OSBPL3: variants seen among roughly 807,000 people sequenced by gnomAD.
OSBPL3 encodes oxysterol binding protein like 3, also known as oxysterol-binding protein-related protein 3.
A neutral mutation model predicts 120.1 loss-of-function variants in OSBPL3; 65 were observed. The observed-to-expected ratio is 0.54, with a 90% CI of 0.44 to 0.67. The LOEUF is 0.67. OSBPL3 is among the 30% of genes least tolerant of loss of function. The pLI, the probability that OSBPL3 is intolerant of heterozygous loss-of-function variation, is 0.00. For missense variants in OSBPL3, 1,004 were observed against 1,082.1 expected, an observed-to-expected ratio of 0.93 and a Z score of 1.01; for synonymous variants, 416 against 402.6, an observed-to-expected ratio of 1.03 and a Z score of -0.40.
rs1798823640 is a variant in OSBPL3, at chr7:24,849,184, A to G, written c.1159-8T>C. 3 of 1,602,782 alleles carry G rather than the reference A, an allele frequency of 1.9e-6. No individual in the cohort carries two copies. The highest frequency in any genetic ancestry group is 2.6e-6 in the Non-Finnish European group (3 of 1,170,248). On this transcript the variant is annotated splice_polypyrimidine_tract_variant and splice_region_variant and intron_variant, in intron 11 of 22. Coordinates refer to ENST00000313367, the MANE Select transcript of OSBPL3 (RefSeq NM_015550.4). This position sits in a 1 kb window ranked among gnomAD's most constrained non-coding sequence, Gnocchi z 5.4. ...TGTGTTTTGTGCTAGGGCCTGGAAC[A>G]TGTTAAAATAGTGGGGCTCTGTTAA... is the stretch of plus-strand genomic sequence containing the variant.
upstream of OSBPL3, among the ~76,000 whole-genome samples, chr7:24,980,401 T>C (rs1413725930): frequency 6.6e-6 from 1 of 151,912 alleles, no homozygotes; most frequent in East Asian, 2.0e-4. Context: ...GGACCCCGGA[T>C]TCCGGATGGG....
intron 1 of OSBPL3, among the ~76,000 whole-genome samples, chr7:24,934,503 C>G (rs537883420): frequency 6.6e-6 from 1 of 152,292 alleles, no homozygotes; most frequent in Non-Finnish European, 1.5e-5. Context: ...ACATATCTAT[C>G]TTTTGGCCCC....
rs2128253201 is a variant in OSBPL3 at position 24,863,220 on chromosome 7, C to A, written c.850G>T (p.Asp284Tyr). The A allele has an allele frequency of 6.2e-7, 1 of 1,614,030 alleles. No homozygotes were observed. Among genetic ancestry groups the A allele is most frequent in the East Asian group, 2.2e-5 (1 of 44,882 alleles). The stretch of plus-strand genomic sequence containing the variant: ...GTTACCTGCAGTGTTCCTTTAGCAT[C>A]TTTGCCAATAGCTCTGGACCGCCAC... ...RRWRSRAIGK[D>Y]AKGTLQVPKP... The change falls in exon 9 of 23, where the codon GAT becomes TAT. Residue 284 changes from aspartate to tyrosine, a missense_variant. Physicochemically the swap from Asp to Tyr is radical, Grantham distance 160. Coordinates refer to ENST00000313367, the MANE Select transcript of OSBPL3 (RefSeq NM_015550.4). This position sits in a 1 kb window ranked among gnomAD's most constrained non-coding sequence, Gnocchi z 5.8.
rs138583909 is a variant in OSBPL3 at position 24,942,731 on chromosome 7, C to T, written c.-150+37155G>A. Among the ~76,000 whole-genome samples the T allele has an allele frequency of 1.7e-4, 26 of 152,252 alleles. No individual in the cohort carries two copies. In the East Asian group the frequency reaches 4.2e-3, roughly 25 times the overall value. ...TACATATGTCGTATATTTTATAACACCTCCAGCAGGGCCTAGAGCAGCACC... is the reference window on the plus strand; with the variant it reads ...TACATATGTCGTATATTTTATAACATCTCCAGCAGGGCCTAGAGCAGCACC... On this transcript the variant is annotated intron_variant, in intron 1 of 22. Coordinates refer to ENST00000313367, the MANE Select transcript of OSBPL3 (RefSeq NM_015550.4).
chr7:24,961,414 G>A (rs1014213710), intron 1 of OSBPL3, among the ~76,000 whole-genome samples: 3 of 152,124 alleles, frequency 2.0e-5, no homozygotes, highest in Admixed American at 6.5e-5. Flanking sequence ...GAATGTTTAT[G>A]TACCCCACAA....
At chr7:24,848,157 G>A (rs554103512) in intron 12 of OSBPL3, among the ~76,000 whole-genome samples, 54 of 152,256 alleles carry the variant, frequency 3.5e-4, no homozygotes, top group Non-Finnish European at 5.7e-4. Flanking sequence ...TCACCACCCC[G>A]CACAATGGCT....
chr7:24,882,205 A>G (rs1272754553), intron 2 of OSBPL3, among the ~76,000 whole-genome samples: 1 of 152,130 alleles, frequency 6.6e-6, no homozygotes, highest in African/African-American at 2.4e-5. Context: ...CAGGGTATCC[A>G]TCACCACGTA....
At chr7:24,875,373 C>G (rs114423304) in intron 2 of OSBPL3, among the ~76,000 whole-genome samples, 3,463 of 152,272 alleles carry the variant, frequency 0.023, 135 homozygotes, top group African/African-American at 0.079. Context: ...GCAGTTGTCA[C>G]TTTCTATGTA....
chr7:24,980,854 T>C (rs1483846862), upstream of OSBPL3, among the ~76,000 whole-genome samples: 2 of 152,052 alleles, frequency 1.3e-5, no homozygotes, highest in Non-Finnish European at 1.5e-5. Context: ...GCACCGTCGT[T>C]ACTATTAAAT....
rs1490641815 is a variant in OSBPL3 at position 24,852,661 on chromosome 7, G to T, written c.1028-27C>A. On this transcript the variant is annotated intron_variant, in intron 10 of 22. Coordinates refer to ENST00000313367, the MANE Select transcript of OSBPL3 (RefSeq NM_015550.4). This position sits in a 1 kb window ranked among gnomAD's most constrained non-coding sequence, Gnocchi z 4.1. ...TATAGAGATAGAATCATTATAAAAA[G>T]GAATAAGGAGGCATAATTAAAAACA... 1 of 1,445,398 alleles carries T rather than the reference G, an allele frequency of 6.9e-7. No homozygotes were observed. The highest frequency in any genetic ancestry group is 2.4e-5 in the East Asian group (1 of 41,558). 89.5% of individuals were successfully genotyped at this position (1,445,398 alleles called of 1,614,324 possible).
intron 12 of OSBPL3, among the ~76,000 whole-genome samples, chr7:24,847,366 T>A (rs1370225056): frequency 1.3e-5 from 2 of 152,156 alleles, no homozygotes; most frequent in African/African-American, 4.8e-5. Context: ...AGAAAATTTC[T>A]GAAAGAGGAA....
At position 24,936,697 on chromosome 7, in the gene OSBPL3, A is replaced by G. The variant is rs1317905859; in HGVS notation, c.-150+43189T>C. On this transcript the variant is annotated intron_variant, in intron 1 of 22. Coordinates refer to ENST00000313367, the MANE Select transcript of OSBPL3 (RefSeq NM_015550.4). This position sits in a 1 kb window ranked among gnomAD's most constrained non-coding sequence, Gnocchi z 4.2. The stretch of plus-strand genomic sequence containing the variant: ...CACAAATACTTTGAGGGCCTGCTGG[A>G]GAACAGGTATGTAGAAGTTAGGGAA... 6.6e-6 allele frequency among the ~76,000 whole-genome samples: 1 copy of G among 152,240 alleles called. No individual in the cohort carries two copies. Among genetic ancestry groups the G allele is most frequent in the Middle Eastern group, 3.2e-3 (1 of 316 alleles).
intron 13 of OSBPL3, among the ~76,000 whole-genome samples, chr7:24,841,425 A>G (rs1264452577): frequency 6.6e-6 from 1 of 151,828 alleles, no homozygotes; most frequent in East Asian, 1.9e-4. Context: ...AAAACTATTA[A>G]CCTGTACTTG....
Position 24,980,165 on chromosome 7 carries a change from GC to G in OSBPL3, c.-430del. 1 of 485,916 alleles carries G rather than the reference GC, an allele frequency of 2.1e-6. No homozygotes were observed. The highest frequency in any genetic ancestry group is 2.7e-6 in the Non-Finnish European group (1 of 373,444). The allele number at this position is 485,916 out of a possible 1,614,324, so 30.1% of individuals were successfully genotyped here. A position where few individuals can be genotyped will look rare whatever the true frequency, so the allele number is the denominator to read the frequency against. On this transcript the variant is annotated 5_prime_UTR_variant, in exon 1 of 23. Coordinates refer to ENST00000313367, the MANE Select transcript of OSBPL3 (RefSeq NM_015550.4). Reference sequence around the variant, plus strand: ...GCACGCGGCCAGTTCTGAGTACTTTGCCCAGAACTTCTCGGCGCGCGCCGCC... The same window carrying G: ...GCACGCGGCCAGTTCTGAGTACTTTGCCAGAACTTCTCGGCGCGCGCCGCC...
At chr7:24,975,594 T>G (rs1297656914) in intron 1 of OSBPL3, among the ~76,000 whole-genome samples, 1 of 152,166 alleles carries the variant, frequency 6.6e-6, no homozygotes, top group Admixed American at 6.5e-5. Context: ...AATAGAAACC[T>G]AAGGAATACA....
In OSBPL3 at chr7:24,805,804, C is replaced by G. The variant is rs917913292; in HGVS notation, c.2444+972G>C. Among the ~76,000 whole-genome samples the G allele has an allele frequency of 1.3e-5, 2 of 152,130 alleles. No homozygotes were observed. The highest frequency in any genetic ancestry group is 2.9e-5 in the Non-Finnish European group (2 of 68,040). On this transcript the variant is annotated intron_variant, in intron 21 of 22. Coordinates refer to ENST00000313367, the MANE Select transcript of OSBPL3 (RefSeq NM_015550.4). This position sits in a 1 kb window ranked among gnomAD's most constrained non-coding sequence, Gnocchi z 4.0. Reference sequence around the variant, plus strand: ...CAATCCCTGCAAAATGAATTTACCTCCCTATGTCCATTTTTTCTAATGGGT... The same window carrying G: ...CAATCCCTGCAAAATGAATTTACCTGCCTATGTCCATTTTTTCTAATGGGT...
chr7:24,969,433 G>T (rs1816760202), intron 1 of OSBPL3, among the ~76,000 whole-genome samples: 1 of 152,066 alleles, frequency 6.6e-6, no homozygotes, highest in East Asian at 1.9e-4. Flanking sequence ...ATTGCCTTTT[G>T]ACATAGTTTT....
Position 24,813,448 on chromosome 7 carries a change from G to C in OSBPL3, c.2172+1611C>G, listed in dbSNP as rs974026625. ...CATGTTTCCTTGCAGAAAATGTTGA[G>C]AGCAACGTGGCTTTCACCTGGGTCA... On this transcript the variant is annotated intron_variant, in intron 19 of 22. Transcript: ENST00000313367. The surrounding 1 kb of genome is among the most constrained non-coding windows in gnomAD (Gnocchi z 4.5). 6.6e-6 allele frequency among the ~76,000 whole-genome samples: 1 copy of C among 152,204 alleles called. No homozygotes were observed. The highest frequency in any genetic ancestry group is 1.5e-5 in the Non-Finnish European group (1 of 68,028).
chr7:24,809,943 G>A lies in OSBPL3; in HGVS notation c.2181C>T (p.Tyr727=), dbSNP rs1028429024. 1 of 1,614,122 alleles carries A rather than the reference G, an allele frequency of 6.2e-7. No homozygotes were observed. Among genetic ancestry groups the A allele is most frequent in the African/African-American group, 1.3e-5 (1 of 75,042 alleles). ...YCKVNFIKAK[Y]WSTNAHEIEG... The stretch of plus-strand genomic sequence containing the variant: ...CAATCTCATGGGCATTAGTGCTCCA[G>A]TATTTTGCCTAGGATTCAAATGAGT... Residue 727 remains tyrosine (Y), a synonymous_variant, in exon 20 of 23, where the codon TAC becomes TAT. Transcript: ENST00000313367.
Sources: gnomAD v4.1 joint callset for allele counts (sites outside exome capture counted in the v4.1 genomes callset) on GRCh38, gnomAD v4.1.1 for gene constraint, Gnocchi (gnomAD v3.1) non-coding constraint, MANE v1.5 for transcripts, NCBI Gene and HGNC (gene_info 2026-07-23, HGNC 2026-07-21) for gene names.